IQCM: variants seen among roughly 807,000 people sequenced by gnomAD.
IQCM encodes the protein IQ motif containing M, also known as IQ domain-containing protein M.
Under a neutral mutation model 57.6 loss-of-function variants are expected in IQCM, and 45 were observed. The ratio of observed to expected loss-of-function variants is 0.78; its 90% CI spans 0.62 to 1.00. The LOEUF is 1.00. Ranked by LOEUF, IQCM falls within the 50% of genes least tolerant of loss-of-function variation. The pLI is 0.00. For missense variants in IQCM, 468 were observed against 511.6 expected (o/e 0.91, Z 0.82); for synonymous variants, 148 against 158.9 (o/e 0.93, Z 0.51).
At chr4:149,729,955 T>G (rs1019791429) in intron 5 of IQCM, among the ~76,000 whole-genome samples, 13 of 152,200 alleles carry the variant, frequency 8.5e-5, no homozygotes, top group African/African-American at 2.4e-4. Context: ...TCAGTTTATC[T>G]CATGTTTATA....
intron 10 of IQCM, among the ~76,000 whole-genome samples, chr4:149,559,339 C>A (rs561356222): frequency 5.9e-5 from 9 of 152,178 alleles, no homozygotes; most frequent in Non-Finnish European, 1.0e-4. Flanking sequence ...TTTCTAAGAA[C>A]GTTATTAATC....
chr4:149,416,308 GAA>G (rs1217310004), intron 13 of IQCM, among the ~76,000 whole-genome samples: 6 of 152,006 alleles, frequency 3.9e-5, no homozygotes, highest in African/African-American at 1.4e-4. Context: ...ATATTCCTGA[GAA>G]AATATCTATT....
chr4:149,426,868 A>C (rs1560825395), intron 13 of IQCM, among the ~76,000 whole-genome samples: 1 of 151,928 alleles, frequency 6.6e-6, no homozygotes. Flanking sequence ...AGAAAAATAC[A>C]CACAAGCATG....
intron 5 of IQCM, among the ~76,000 whole-genome samples, chr4:149,709,985 A>C (rs1764443154): frequency 6.6e-6 from 1 of 152,158 alleles, no homozygotes; most frequent in Non-Finnish European, 1.5e-5. Context: ...CTCTTATAAC[A>C]GTGAAAATCA....
chr4:149,544,432 T>C (rs1748178437), intron 12 of IQCM, among the ~76,000 whole-genome samples: 1 of 152,144 alleles, frequency 6.6e-6, no homozygotes, highest in African/African-American at 2.4e-5. Context: ...ATTGAAAAGG[T>C]ATATTGTGTT....
intron 12 of IQCM, among the ~76,000 whole-genome samples, chr4:149,499,727 C>T (rs1234983038): frequency 6.6e-6 from 1 of 151,984 alleles, no homozygotes; most frequent in Non-Finnish European, 1.5e-5. Flanking sequence ...TAATGTGATA[C>T]TAATTAAAGT....
At chr4:149,419,128 T>C (rs1352273278) in intron 13 of IQCM, among the ~76,000 whole-genome samples, 2 of 152,048 alleles carry the variant, frequency 1.3e-5, no homozygotes, top group East Asian at 1.9e-4. Context: ...TTCACAGCTA[T>C]AGAAGAAACT....
At chr4:149,578,426 G>A (rs1281486564) in intron 9 of IQCM, among the ~76,000 whole-genome samples, 2 of 151,708 alleles carry the variant, frequency 1.3e-5, no homozygotes, top group Admixed American at 1.3e-4. Context: ...GGCGTGATGA[G>A]GGCTGATTTT....
chr4:149,699,612 C>T (rs1219743885), intron 5 of IQCM, among the ~76,000 whole-genome samples: 2 of 148,110 alleles, frequency 1.4e-5, no homozygotes, highest in East Asian at 4.1e-4. Context: ...AGAAAATTCT[C>T]CATGAATATT....
chr4:149,515,070 AC>A, intron 12 of IQCM, among the ~76,000 whole-genome samples: 1 of 37,150 alleles, frequency 2.7e-5, no homozygotes, highest in East Asian at 8.8e-4. Context: ...ATATATATAC[AC>A]GTGTGTGTGT....
chr4:149,420,761 T>C (rs1326510956), intron 13 of IQCM, among the ~76,000 whole-genome samples: 2 of 152,148 alleles, frequency 1.3e-5, no homozygotes, highest in Non-Finnish European at 2.9e-5. Context: ...TTGTATATTA[T>C]ATAGTAATTA....
At chr4:149,707,965 A>G (rs1026168014) in intron 5 of IQCM, among the ~76,000 whole-genome samples, 2 of 152,010 alleles carry the variant, frequency 1.3e-5, no homozygotes, top group Non-Finnish European at 2.9e-5. Context: ...CCAGGAAGAC[A>G]ATTTGTGTGA....
intron 13 of IQCM, among the ~76,000 whole-genome samples, chr4:149,413,236 A>G (rs1018675236): frequency 1.2e-4 from 18 of 152,230 alleles, no homozygotes; most frequent in African/African-American, 4.3e-4. Context: ...CAATGACAAT[A>G]CAGAAGATGT....
intron 12 of IQCM, among the ~76,000 whole-genome samples, chr4:149,505,189 G>A (rs559203024): frequency 3.9e-5 from 6 of 152,024 alleles, no homozygotes; most frequent in Non-Finnish European, 5.9e-5. Context: ...GGGGGACAGC[G>A]GGCATAACAT....
chr4:149,770,615 T>C (rs762932205), intron 2 of IQCM, among the ~76,000 whole-genome samples: 5 of 152,014 alleles, frequency 3.3e-5, no homozygotes, highest in Admixed American at 6.6e-5. Flanking sequence ...CAAATTGTCT[T>C]AACAATAAAA....
At chr4:149,789,285 A>G (rs1038620815) in intron 2 of IQCM, among the ~76,000 whole-genome samples, 7 of 152,200 alleles carry the variant, frequency 4.6e-5, no homozygotes, top group African/African-American at 1.7e-4. Context: ...AAAATATTAT[A>G]TATCAAAAGG....
chr4:149,772,648 G>A (rs1231839717), intron 2 of IQCM, among the ~76,000 whole-genome samples: 1 of 152,190 alleles, frequency 6.6e-6, no homozygotes, highest in African/African-American at 2.4e-5. Flanking sequence ...ATAAGTAAAT[G>A]AGGCATAAAG....
At chr4:149,358,880 A>ATATACTATCAT in intron 13 of IQCM, among the ~76,000 whole-genome samples, 1 of 151,094 alleles carries the variant, frequency 6.6e-6, no homozygotes. Context: ...GTATATCATG[A>ATATACTATCAT]GACCACAGTG....
At chr4:149,455,135 G>A (rs556297624) in intron 12 of IQCM, among the ~76,000 whole-genome samples, 5 of 152,154 alleles carry the variant, frequency 3.3e-5, no homozygotes, top group South Asian at 4.2e-4. Flanking sequence ...TGTATGATAC[G>A]TTTATTAGAT....
Sources: allele counts gnomAD v4.1 joint callset (sites outside exome capture counted in the v4.1 genomes callset), GRCh38; gene constraint gnomAD v4.1.1; transcripts MANE v1.5; gene names NCBI Gene and HGNC (gene_info 2026-07-23, HGNC 2026-07-21).